Variants in CREB1 observed in about 807,000 individuals in gnomAD.
CREB1 encodes cAMP responsive element binding protein 1, also known as cyclic AMP-responsive element-binding protein 1.
Under a neutral mutation model 42.0 loss-of-function variants are expected in CREB1, and 2 were observed. The observed-to-expected ratio is 0.05, with a 90% CI of 0.02 to 0.15. The LOEUF (loss-of-function observed/expected upper bound fraction) is 0.15. Among genes scored for constraint, CREB1 ranks in the 10% least tolerant of loss-of-function variants. CREB1 has a pLI of 1.00. For synonymous variants in CREB1, 123 were observed against 139.9 expected (o/e 0.88, Z 0.85); for missense variants, 199 against 388.9 (o/e 0.51, Z 4.11).
intron 6 of CREB1, chr2:207,577,109 G>C: frequency 1.0e-6 from 1 of 971,914 alleles, no homozygotes; most frequent in Non-Finnish European, 1.2e-6. Flanking sequence ...GTCGTGGCAA[G>C]AGTCTACTTG....
At chr2:207,562,902 A>G (rs1452556160) in intron 3 of CREB1, among the ~76,000 whole-genome samples, 6 of 152,202 alleles carry the variant, frequency 3.9e-5, no homozygotes, top group South Asian at 2.1e-4. Context: ...GTGACATGCT[A>G]TGTCACTGTT....
intron 3 of CREB1, among the ~76,000 whole-genome samples, chr2:207,566,004 AC>A (rs767308106): frequency 3.3e-5 from 5 of 152,196 alleles, no homozygotes; most frequent in Non-Finnish European, 7.4e-5. Flanking sequence ...GCTGAGAATC[AC>A]AGACTAAATT....
chr2:207,602,698 A>G lies in CREB1; in HGVS notation c.*5640A>G, dbSNP rs1327240340. On this transcript the variant is annotated 3_prime_UTR_variant, in exon 8 of 8. Coordinates refer to ENST00000353267, the MANE Select transcript of CREB1 (RefSeq NM_004379.5). ...TTTTTAAAATTGGTAAATGCTTTATAGATGTATTTTTATCCAAGTGCCACT... is the reference window on the plus strand; with the variant it reads ...TTTTTAAAATTGGTAAATGCTTTATGGATGTATTTTTATCCAAGTGCCACT... The G allele has an allele frequency of 9.5e-6, 2 of 210,456 alleles. No homozygotes were observed. Among genetic ancestry groups the G allele is most frequent in the East Asian group, 1.4e-4 (2 of 13,942 alleles). The allele number at this position is 210,456 out of a possible 1,614,324, so 13.0% of individuals were successfully genotyped here.
chr2:207,594,765 T>C (rs2085777498), intron 7 of CREB1, among the ~76,000 whole-genome samples: 1 of 152,096 alleles, frequency 6.6e-6, no homozygotes, highest in African/African-American at 2.4e-5. Context: ...ATATGGTAAA[T>C]TTTGTTCTTA....
At chr2:207,564,649 A>G (rs1195281557) in intron 3 of CREB1, among the ~76,000 whole-genome samples, 1 of 152,184 alleles carries the variant, frequency 6.6e-6, no homozygotes, top group Non-Finnish European at 1.5e-5. Context: ...GATTGGTTCT[A>G]GTTACTTTAT....
At chr2:207,572,826 AAG>A (rs1491085970) in intron 5 of CREB1, among the ~76,000 whole-genome samples, 8 of 152,228 alleles carry the variant, frequency 5.3e-5, no homozygotes, top group Non-Finnish European at 1.0e-4. Flanking sequence ...AAAAAAAAAA[AAG>A]AGTGGAATTA....
At chr2:207,534,765 TAAC>T (rs1210341912) in intron 1 of CREB1, 6 of 152,360 alleles carry the variant, frequency 3.9e-5, no homozygotes, top group African/African-American at 1.2e-4. Flanking sequence ...CAAAACATAA[TAAC>T]AGCAAAATGC....
rs182387182 is a variant in CREB1, at chr2:207,581,480, C to A, written c.839+3825C>A. ...TATTATTACACAAGTAAAACATGTTCATTATAAGTAAATTAAGAAACATTA... is the reference window on the plus strand; with the variant it reads ...TATTATTACACAAGTAAAACATGTTAATTATAAGTAAATTAAGAAACATTA... On this transcript the variant is annotated intron_variant, in intron 7 of 7. Transcript: ENST00000353267. 3 of 203,154 alleles carry A rather than the reference C, an allele frequency of 1.5e-5. No individual in the cohort carries two copies. In the East Asian group the frequency reaches 2.3e-4, roughly 16 times the overall value. The allele number at this position is 203,154 out of a possible 1,614,324, so 12.6% of individuals were successfully genotyped here. A position where few individuals can be genotyped will look rare whatever the true frequency, so the allele number is the denominator to read the frequency against.
rs71036933 is a variant in CREB1, at chr2:207,571,022, C to CTTTTTTTTTTTTTT, written c.505+713_505+714insTTTTTTTTTTTTTT. ...GAATGGTACTTTTTTCTCTTTTTCC[C>CTTTTTTTTTTTTTT]TTTTTTTTTTTTGCCTCTCAAAGTG... On this transcript the variant is annotated intron_variant, in intron 5 of 7. Transcript: ENST00000353267. 5.8e-4 allele frequency among the ~76,000 whole-genome samples: 40 copies of CTTTTTTTTTTTTTT among 68,444 alleles called. 3 individuals are homozygous for CTTTTTTTTTTTTTT. The highest frequency in any genetic ancestry group is 8.5e-4 in the Non-Finnish European group (26 of 30,550). The allele number at this position is 68,444 out of a possible 152,430, so 44.9% of individuals were successfully genotyped here.
chr2:207,560,554 CAT>C (rs1332432737), intron 3 of CREB1, among the ~76,000 whole-genome samples, 182 bp downstream of exon 3: 1 of 151,922 alleles, frequency 6.6e-6, no homozygotes. Context: ...GAAGAACAAA[CAT>C]AAAAGAAAAT....
At chr2:207,594,496 C>T (rs2085728464) in intron 7 of CREB1, among the ~76,000 whole-genome samples, 1 of 152,142 alleles carries the variant, frequency 6.6e-6, no homozygotes, top group Admixed American at 6.5e-5. Flanking sequence ...TTGAGACTAG[C>T]TTGTGTCAGC....
rs991807663 is a variant in CREB1 at position 207,602,354 on chromosome 2, T to A, written c.*5296T>A. On this transcript the variant is annotated 3_prime_UTR_variant, in exon 8 of 8. Coordinates refer to ENST00000353267, the MANE Select transcript of CREB1 (RefSeq NM_004379.5). ...CCTGTCTGCATTCTGGTACGGTGGG[T>A]GCAGGTCCCAGCTGGGTATGACATG... is the stretch of plus-strand genomic sequence containing the variant. 5.0e-6 allele frequency: 1 copy of A among 201,772 alleles called. No individual in the cohort carries two copies. Among genetic ancestry groups the A allele is most frequent in the African/African-American group, 2.3e-5 (1 of 43,508 alleles). The allele number at this position is 201,772 out of a possible 1,614,324, so 12.5% of individuals were successfully genotyped here.
At chr2:207,548,087 C>T (rs779408744) in intron 1 of CREB1, among the ~76,000 whole-genome samples, 34 of 152,040 alleles carry the variant, frequency 2.2e-4, no homozygotes, top group Non-Finnish European at 4.6e-4. Flanking sequence ...TGCACACCAC[C>T]ACGCCCAGCT....
At position 207,557,131 on chromosome 2, in the gene CREB1, C is replaced by G. The variant is rs561233474; in HGVS notation, c.114+1382C>G. 4.0e-5 allele frequency among the ~76,000 whole-genome samples: 6 copies of G among 151,770 alleles called. No individual in the cohort carries two copies. The East Asian group carries it at 1.2e-3, about 29-fold the overall frequency. Reference sequence around the variant, plus strand: ...CCAGCCGGGGTGACAGAACAAGATTCCCTCTCAAAAAAAAAAAGAAGATGC... The same window carrying G: ...CCAGCCGGGGTGACAGAACAAGATTGCCTCTCAAAAAAAAAAAGAAGATGC... On this transcript the variant is annotated intron_variant, in intron 2 of 7. Transcript: ENST00000353267.
At chr2:207,584,131 G>C (rs555984915) in intron 7 of CREB1, among the ~76,000 whole-genome samples, 1 of 152,106 alleles carries the variant, frequency 6.6e-6, no homozygotes, top group Non-Finnish European at 1.5e-5. Flanking sequence ...ACACATAAAG[G>C]TTTTTATATG....
Position 207,598,998 on chromosome 2 carries a change from G to A in CREB1, c.*1940G>A, listed in dbSNP as rs2086627707. 1 of 184,266 alleles carries A rather than the reference G, an allele frequency of 5.4e-6. No individual in the cohort carries two copies. The highest frequency in any genetic ancestry group is 6.2e-5 in the Admixed American group (1 of 16,026). 11.4% of individuals were successfully genotyped at this position (184,266 alleles called of 1,614,324 possible). ...TATGAAGATTTAAGTGTTAATTGCTGGATCCATTTTAAAATAAGATTTTAA... is the reference window on the plus strand; with the variant it reads ...TATGAAGATTTAAGTGTTAATTGCTAGATCCATTTTAAAATAAGATTTTAA... On this transcript the variant is annotated 3_prime_UTR_variant, in exon 8 of 8. Coordinates refer to ENST00000353267, the MANE Select transcript of CREB1 (RefSeq NM_004379.5).
intron 4 of CREB1, chr2:207,568,240 G>A (rs775666903): frequency 6.6e-6 from 1 of 151,898 alleles, no homozygotes; most frequent in Non-Finnish European, 1.5e-5. Context: ...TCAAAGGGAT[G>A]GTTTTTTCCC....
At chr2:207,582,011 C>G (rs1015134519) in intron 7 of CREB1, 6 of 698,618 alleles carry the variant, frequency 8.6e-6, no homozygotes, top group Non-Finnish European at 1.6e-5. Flanking sequence ...GTGCCTTTCT[C>G]ATAACATCAC....
chr2:207,576,736 A>G (rs2082612866), intron 6 of CREB1: 3 of 1,148,862 alleles, frequency 2.6e-6, no homozygotes, highest in South Asian at 1.9e-5. Flanking sequence ...CAAACCATAC[A>G]TTTTAATTGA....
Sources: allele counts gnomAD v4.1 joint callset (sites outside exome capture counted in the v4.1 genomes callset), GRCh38; gene constraint gnomAD v4.1.1; transcripts MANE v1.5; gene names NCBI Gene and HGNC (gene_info 2026-07-23, HGNC 2026-07-21).